The following CADM2 variants were observed in gnomAD, a reference collection of about 807,000 sequenced individuals.
CADM2 encodes the protein cell adhesion molecule 2, also known as immunoglobulin superfamily member 4D.
Under a neutral mutation model 49.8 loss-of-function variants are expected in CADM2, and 12 were observed. The ratio of observed to expected loss-of-function variants is 0.24; its 90% confidence interval spans 0.15 to 0.39. CADM2 has a LOEUF of 0.39. Ranked by LOEUF, CADM2 falls within the 10% of genes least tolerant of loss-of-function variation. The pLI, the probability that CADM2 is intolerant of heterozygous loss-of-function variation, is 1.00. For synonymous variants in CADM2, 214 were observed against 175.4 expected (o/e 1.22, Z -1.74); for missense variants, 378 against 492.3 (o/e 0.77, Z 2.20).
At chr3:85,938,047 G>A (rs1349336298) in intron 7 of CADM2, among the ~76,000 whole-genome samples, 1 of 151,890 alleles carries the variant, frequency 6.6e-6, no homozygotes, top group Non-Finnish European at 1.5e-5. Flanking sequence ...TAGCATTAAA[G>A]TTAGAATCAA....
chr3:85,442,562 C>T (rs1204971964), intron 1 of CADM2, among the ~76,000 whole-genome samples: 2 of 139,714 alleles, frequency 1.4e-5, no homozygotes, highest in Non-Finnish European at 3.0e-5. Context: ...AGTCCACATT[C>T]TATTTAAAAT....
At chr3:85,910,286 T>A (rs1233576349) in intron 5 of CADM2, among the ~76,000 whole-genome samples, 1 of 152,106 alleles carries the variant, frequency 6.6e-6, no homozygotes. Flanking sequence ...TTTCTTACTC[T>A]GACACTGCTT....
intron 1 of CADM2, among the ~76,000 whole-genome samples, chr3:85,276,020 AG>A (rs1188356881): frequency 6.6e-6 from 1 of 151,294 alleles, no homozygotes; most frequent in African/African-American, 2.4e-5. Context: ...ACTTTGTCAA[AG>A]CAGATCACTA....
chr3:85,543,265 T>TTA (rs2061586405), intron 1 of CADM2, among the ~76,000 whole-genome samples: 1 of 113,584 alleles, frequency 8.8e-6, no homozygotes, highest in African/African-American at 2.7e-5. Context: ...TTATTTTTAT[T>TTA]TTTTTTGGAG....
chr3:85,498,674 TTAAA>T (rs2039999189), intron 1 of CADM2, among the ~76,000 whole-genome samples: 1 of 152,172 alleles, frequency 6.6e-6, no homozygotes, highest in South Asian at 2.1e-4. Context: ...GAAATATGTA[TTAAA>T]TAAAATGGAT....
chr3:85,416,245 T>G (rs557009324), intron 1 of CADM2, among the ~76,000 whole-genome samples: 1 of 152,194 alleles, frequency 6.6e-6, no homozygotes, highest in South Asian at 2.1e-4. Context: ...CTATTTACAG[T>G]AAGGACTGAT....
chr3:85,942,904 C>T lies in CADM2; in HGVS notation c.791+7047C>T, dbSNP rs1042295586. Among the ~76,000 whole-genome samples the T allele has an allele frequency of 2.3e-4, 35 of 152,134 alleles. 1 individual carries two copies. The highest frequency in any genetic ancestry group is 7.7e-4 in the African/African-American group (32 of 41,530). ...TTCCAGTTCTAGATCCCTGAGGAATCGCCACACCGACTTCCACAATGGTTG... is the reference window on the plus strand; with the variant it reads ...TTCCAGTTCTAGATCCCTGAGGAATTGCCACACCGACTTCCACAATGGTTG... On this transcript the variant is annotated intron_variant, in intron 7 of 9. Coordinates refer to ENST00000383699, the MANE Select transcript of CADM2 (RefSeq NM_001167675.2).
chr3:85,433,323 C>A (rs2036774086), intron 1 of CADM2, among the ~76,000 whole-genome samples: 1 of 151,990 alleles, frequency 6.6e-6, no homozygotes, highest in Non-Finnish European at 1.5e-5. Flanking sequence ...TGTATATATT[C>A]ATTTATCTTT....
Position 85,396,228 on chromosome 3 carries a change from G to A in CADM2, c.62-330294G>A, listed in dbSNP as rs921301364. 2.0e-5 allele frequency among the ~76,000 whole-genome samples: 3 copies of A among 151,544 alleles called. No homozygotes were observed. The East Asian group carries it at 5.8e-4, about 29-fold the overall frequency. ...AAATGTAGATTAGTGAAGCTGTAAAGTTTTCTTGCTTGCTGCTTGTGATCT... is the reference window on the plus strand; with the variant it reads ...AAATGTAGATTAGTGAAGCTGTAAAATTTTCTTGCTTGCTGCTTGTGATCT... On this transcript the variant is annotated intron_variant, in intron 1 of 9. Coordinates refer to ENST00000383699, the MANE Select transcript of CADM2 (RefSeq NM_001167675.2).
intron 2 of CADM2, among the ~76,000 whole-genome samples, chr3:85,728,750 T>C (rs781094546): frequency 3.9e-5 from 6 of 152,200 alleles, no homozygotes; most frequent in Non-Finnish European, 7.4e-5. Flanking sequence ...GAATGTGTTC[T>C]GATTTTTTGT....
chr3:85,273,130 G>A (rs1480800817), intron 1 of CADM2, among the ~76,000 whole-genome samples: 2 of 151,250 alleles, frequency 1.3e-5, no homozygotes, highest in Admixed American at 6.6e-5. Context: ...AAAGAGAAGC[G>A]GCAGACTCTG....
At chr3:85,058,170 A>G (rs936293741) in intron 1 of CADM2, among the ~76,000 whole-genome samples, 1 of 152,198 alleles carries the variant, frequency 6.6e-6, no homozygotes, top group Non-Finnish European at 1.5e-5. Context: ...TGTAAATTTT[A>G]TGAGGTGTAA....
intron 8 of CADM2, among the ~76,000 whole-genome samples, chr3:86,056,106 C>T (rs1737956642): frequency 6.6e-6 from 1 of 152,158 alleles, no homozygotes; most frequent in Non-Finnish European, 1.5e-5. Flanking sequence ...CCTTTTCTTT[C>T]ACCTTCCTCC....
intron 1 of CADM2, among the ~76,000 whole-genome samples, chr3:85,533,195 C>T (rs1235547516): frequency 6.6e-6 from 1 of 152,124 alleles, no homozygotes; most frequent in Non-Finnish European, 1.5e-5. Flanking sequence ...GAAGCTGGTT[C>T]TTTGTGTGTT....
chr3:85,029,056 A>C (rs997180002), intron 1 of CADM2, among the ~76,000 whole-genome samples: 1 of 151,906 alleles, frequency 6.6e-6, no homozygotes, highest in Non-Finnish European at 1.5e-5. Context: ...CTCTATTTAC[A>C]AATTATAGAC....
intron 1 of CADM2, among the ~76,000 whole-genome samples, chr3:85,218,318 A>G (rs2041975557): frequency 6.6e-6 from 1 of 152,170 alleles, no homozygotes. Flanking sequence ...TTAAGTTGTT[A>G]TAAAAGATTT....
At chr3:85,589,250 T>C (rs980932091) in intron 1 of CADM2, among the ~76,000 whole-genome samples, 7 of 152,040 alleles carry the variant, frequency 4.6e-5, no homozygotes, top group Admixed American at 3.9e-4. Flanking sequence ...TCCAACCTTG[T>C]TTGAGAGCTC....
intron 1 of CADM2, among the ~76,000 whole-genome samples, chr3:85,010,398 T>C (rs972969929): frequency 1.3e-5 from 2 of 152,222 alleles, no homozygotes; most frequent in Non-Finnish European, 2.9e-5. Flanking sequence ...TGTATTTTAT[T>C]GCGCACAGAT....
At chr3:85,909,137 G>A (rs532199240) in intron 5 of CADM2, among the ~76,000 whole-genome samples, 82 of 152,194 alleles carry the variant, frequency 5.4e-4, no homozygotes, top group African/African-American at 1.9e-3. Context: ...TTGATGTAGA[G>A]CATTTCCTTA....
Sources: allele counts gnomAD v4.1 joint callset (sites outside exome capture counted in the v4.1 genomes callset), GRCh38; gene constraint gnomAD v4.1.1; transcripts MANE v1.5; gene names NCBI Gene and HGNC (gene_info 2026-07-23, HGNC 2026-07-21).